The following AGBL4 variants were observed in gnomAD, a reference collection of about 807,000 sequenced individuals.
AGBL4 encodes the protein AGBL carboxypeptidase 4.
In AGBL4, 58 loss-of-function variants were observed where a neutral mutation model predicts 66.4. The ratio of observed to expected loss-of-function variants is 0.87; its 90% CI spans 0.71 to 1.09. The LOEUF is 1.09. AGBL4 is among the 50% of genes least tolerant of loss of function. The probability of loss-of-function intolerance (pLI) is 0.00; values close to 1 mark genes in which losing one functional copy is unlikely to be tolerated. For synonymous variants in AGBL4, 234 were observed against 222.9 expected, an observed-to-expected ratio of 1.05 and a Z score of -0.44; for missense variants, 579 against 631.0, an observed-to-expected ratio of 0.92 and a Z score of 0.88.
intron 3 of AGBL4, among the ~76,000 whole-genome samples, chr1:49,605,311 T>C (rs374608059): frequency 2.4e-4 from 36 of 152,142 alleles, no homozygotes; most frequent in African/African-American, 8.7e-4. Flanking sequence ...GCAGGACAAG[T>C]TTTCTAAAAA....
chr1:48,590,915 T>G lies in AGBL4; in HGVS notation c.1022A>C (p.Asn341Thr). ...STMMNGFMYGNIFEDEERFQR... is the reference protein window; with the variant it reads ...STMMNGFMYGTIFEDEERFQR... The stretch of plus-strand genomic sequence containing the variant: ...GAACCGTTCCTCATCCTCAAAGATG[T>G]TGCCATACATGAAGCCATTCATCAT... The change falls in exon 10 of 14, where the codon AAC becomes ACC. Residue 341 changes from asparagine (N) to threonine (T), a missense_variant. Physicochemically the swap from Asn to Thr is moderately conservative, Grantham distance 65. Coordinates refer to ENST00000371839, the MANE Select transcript of AGBL4 (RefSeq NM_032785.4). 6.2e-7 allele frequency: 1 copy of G among 1,610,274 alleles called. No homozygotes were observed. Among genetic ancestry groups the G allele is most frequent in the Non-Finnish European group, 8.5e-7 (1 of 1,178,514 alleles).
At chr1:48,652,967 T>C (rs1280318912) in intron 8 of AGBL4, among the ~76,000 whole-genome samples, 1 of 152,204 alleles carries the variant, frequency 6.6e-6, no homozygotes, top group Non-Finnish European at 1.5e-5. Context: ...CCATTTCTTT[T>C]GAAGCTCTCA....
In AGBL4 at chr1:49,677,076, G is replaced by A. The variant is rs189749452; in HGVS notation, c.282+20237C>T. Reference sequence around the variant, plus strand: ...TTTTAGACCAAGTTCAATAGTAACAGTTTAGGAAACATTACCTGGCACCTC... The same window carrying A: ...TTTTAGACCAAGTTCAATAGTAACAATTTAGGAAACATTACCTGGCACCTC... On this transcript the variant is annotated intron_variant, in intron 3 of 13. Transcript: ENST00000371839. 4.4e-4 allele frequency among the ~76,000 whole-genome samples: 67 copies of A among 151,980 alleles called. No individual in the cohort carries two copies. In the East Asian group the frequency reaches 7.1e-3, roughly 16 times the overall value.
intron 2 of AGBL4, among the ~76,000 whole-genome samples, chr1:49,744,650 A>G (rs1001292930): frequency 6.6e-6 from 1 of 152,118 alleles, no homozygotes; most frequent in Admixed American, 6.6e-5. Context: ...TATAATATGA[A>G]AAAAGTATAA....
chr1:49,155,213 C>A (rs928970422), intron 4 of AGBL4, among the ~76,000 whole-genome samples: 3 of 152,026 alleles, frequency 2.0e-5, no homozygotes, highest in Non-Finnish European at 4.4e-5. Flanking sequence ...AATATCTTAC[C>A]TTTTTACAGA....
At chr1:48,621,543 A>C (rs529615716) in intron 9 of AGBL4, among the ~76,000 whole-genome samples, 14 of 152,240 alleles carry the variant, frequency 9.2e-5, no homozygotes, top group South Asian at 2.1e-4. Flanking sequence ...AAAGCACCCT[A>C]GGACCCAGAA....
chr1:49,564,920 C>T (rs1225551958), intron 3 of AGBL4, among the ~76,000 whole-genome samples: 1 of 152,100 alleles, frequency 6.6e-6, no homozygotes, highest in Non-Finnish European at 1.5e-5. Flanking sequence ...TAAAGTCTCC[C>T]ATTATTATTG....
At chr1:48,705,433 T>C (rs933780311) in intron 6 of AGBL4, among the ~76,000 whole-genome samples, 2 of 152,252 alleles carry the variant, frequency 1.3e-5, no homozygotes, top group African/African-American at 4.8e-5. Context: ...TGTTAACATT[T>C]ATTGCATACT....
intron 6 of AGBL4, among the ~76,000 whole-genome samples, chr1:48,738,142 C>G (rs1649352937): frequency 6.6e-6 from 1 of 152,174 alleles, no homozygotes; most frequent in African/African-American, 2.4e-5. Context: ...GCAGTCAGGT[C>G]AGCCAGCAAA....
At chr1:49,607,867 T>C (rs1455120765) in intron 3 of AGBL4, among the ~76,000 whole-genome samples, 1 of 152,174 alleles carries the variant, frequency 6.6e-6, no homozygotes, top group Non-Finnish European at 1.5e-5. Context: ...CATGATTATG[T>C]ATTTGTGTCT....
At chr1:48,577,424 A>C (rs1644671824) in intron 11 of AGBL4, among the ~76,000 whole-genome samples, 1 of 152,218 alleles carries the variant, frequency 6.6e-6, no homozygotes, top group Non-Finnish European at 1.5e-5. Context: ...TTATCACTAT[A>C]AAGAAACTTT....
chr1:49,676,419 C>A (rs1180407546), intron 3 of AGBL4, among the ~76,000 whole-genome samples: 1 of 152,008 alleles, frequency 6.6e-6, no homozygotes, highest in Non-Finnish European at 1.5e-5. Context: ...TCAACAAAAT[C>A]TAAATACAAC....
chr1:48,558,342 T>C (rs1360639479), intron 11 of AGBL4, among the ~76,000 whole-genome samples: 1 of 152,180 alleles, frequency 6.6e-6, no homozygotes, highest in African/African-American at 2.4e-5. Flanking sequence ...ACATTTGTCT[T>C]GCTTTGTCTT....
chr1:48,949,249 G>A (rs1330751932), intron 5 of AGBL4, among the ~76,000 whole-genome samples: 1 of 152,208 alleles, frequency 6.6e-6, no homozygotes, highest in African/African-American at 2.4e-5. Flanking sequence ...GTAGAGGGGT[G>A]CACAGTGGGC....
chr1:48,854,095 C>G (rs1339449406), intron 6 of AGBL4, among the ~76,000 whole-genome samples: 1 of 152,096 alleles, frequency 6.6e-6, no homozygotes, highest in Non-Finnish European at 1.5e-5. Flanking sequence ...TTATTTCATC[C>G]CTATGAAATA....
At chr1:49,354,053 A>C (rs1344093150) in intron 3 of AGBL4, among the ~76,000 whole-genome samples, 1 of 152,202 alleles carries the variant, frequency 6.6e-6, no homozygotes, top group Non-Finnish European at 1.5e-5. Flanking sequence ...CTGACTGTCC[A>C]CTGAGCTGGT....
At chr1:49,729,463 G>A (rs749975584) in intron 2 of AGBL4, among the ~76,000 whole-genome samples, 2 of 152,108 alleles carry the variant, frequency 1.3e-5, no homozygotes, top group Non-Finnish European at 2.9e-5. Context: ...AAATACAGAT[G>A]AGAAGATGTA....
intron 1 of AGBL4, among the ~76,000 whole-genome samples, chr1:49,921,184 A>G (rs896719373): frequency 2.0e-5 from 3 of 152,164 alleles, no homozygotes; most frequent in Non-Finnish European, 4.4e-5. Context: ...GCACATGTAT[A>G]CATATGTAAC....
intron 1 of AGBL4, among the ~76,000 whole-genome samples, chr1:50,004,027 T>C (rs1660954454): frequency 6.6e-6 from 1 of 152,128 alleles, no homozygotes; most frequent in Admixed American, 6.5e-5. Flanking sequence ...AAAGAGGCAC[T>C]CAAGAGAAGA....
Sources: gnomAD v4.1 joint callset for allele counts (sites outside exome capture counted in the v4.1 genomes callset) on GRCh38, gnomAD v4.1.1 for gene constraint, MANE v1.5 for transcripts, NCBI Gene and HGNC (gene_info 2026-07-23, HGNC 2026-07-21) for gene names.